SCUBE3: variants seen among roughly 807,000 people sequenced by gnomAD.
SCUBE3 encodes signal peptide, CUB domain and EGF like domain containing 3, also known as signal peptide, CUB and EGF-like domain-containing protein 3.
In SCUBE3, 33 loss-of-function variants were observed where a neutral mutation model predicts 116.8. That is an observed-to-expected ratio of 0.28 (90% CI 0.21 to 0.38). The LOEUF is 0.38. Among genes scored for constraint, SCUBE3 ranks in the 10% least tolerant of loss-of-function variants. The pLI is 1.00. For missense variants in SCUBE3, 1,007 were observed against 1,324.8 expected, an observed-to-expected ratio of 0.76 and a Z score of 3.72; for synonymous variants, 418 against 496.9, an observed-to-expected ratio of 0.84 and a Z score of 2.11.
Position 35,228,723 on chromosome 6 carries a change from C to T in SCUBE3, c.318C>T (p.Asp106=), listed in dbSNP as rs144991938. Residue 106 remains aspartate (D), a synonymous_variant, in exon 3 of 22, where the codon GAC becomes GAT. Transcript: ENST00000274938. The surrounding 1 kb of genome is among the most constrained non-coding windows in gnomAD (Gnocchi z 4.9). ...ATGATGGATTCCACCTGGCACATGA[C>T]GGACACAACTGTCTGGGTAAGCAAA... ...TCYDGFHLAH[D]GHNCLDVDEC... 54 of 1,613,872 alleles carry T rather than the reference C, an allele frequency of 3.3e-5. No homozygotes were observed. In the East Asian group the frequency reaches 4.9e-4, roughly 15 times the overall value.
chr6:35,243,542 G>C lies in SCUBE3; in HGVS notation c.1910-52G>C. 1 of 1,493,788 alleles carries C rather than the reference G, an allele frequency of 6.7e-7. No homozygotes were observed. Among genetic ancestry groups the C allele is most frequent in the Non-Finnish European group, 9.0e-7 (1 of 1,109,710 alleles). The allele number at this position is 1,493,788 out of a possible 1,614,324, so 92.5% of individuals were successfully genotyped here. On this transcript the variant is annotated intron_variant, in intron 15 of 21. Coordinates refer to ENST00000274938, the MANE Select transcript of SCUBE3 (RefSeq NM_152753.4). This position sits in a 1 kb window ranked among gnomAD's most constrained non-coding sequence, Gnocchi z 6.6. ...GAGTGGGAAGGGGAGTCCCAGGCCT[G>C]GGTGGTGGGAAATGCGGGGGTGGGT...
At chr6:35,215,435 A>G (rs1333646121) in intron 1 of SCUBE3, among the ~76,000 whole-genome samples, 1 of 151,744 alleles carries the variant, frequency 6.6e-6, no homozygotes, top group African/African-American at 2.4e-5. Context: ...CCCCTCCCCC[A>G]TCGTGTCCTC....
chr6:35,242,101 C>T, intron 12 of SCUBE3, 103 bp from the exon 13 acceptor site: 1 of 924,054 alleles, frequency 1.1e-6, no homozygotes, highest in Non-Finnish European at 1.8e-6. Context: ...CTCACTCCCC[C>T]AGCCAAGCCC....
In SCUBE3 at chr6:35,241,618, C is replaced by T. The variant is rs1176526654; in HGVS notation, c.1271C>T (p.Thr424Ile). 7 of 1,614,014 alleles carry T rather than the reference C, an allele frequency of 4.3e-6. No homozygotes were observed. The highest frequency in any genetic ancestry group is 5.9e-6 in the Non-Finnish European group (7 of 1,179,964). The change falls in exon 11 of 22, where the codon ACC becomes ATC. Residue 424 changes from threonine to isoleucine, a missense_variant. By Grantham distance (89) the Thr-to-Ile change is moderately conservative. Around this residue, in one of 5 missense-constraint regions of SCUBE3, gnomAD observed 544 missense variants for 638.9 expected, o/e 0.85. Coordinates refer to ENST00000274938, the MANE Select transcript of SCUBE3 (RefSeq NM_152753.4). The surrounding 1 kb of genome is among the most constrained non-coding windows in gnomAD (Gnocchi z 4.1). The stretch of plus-strand genomic sequence containing the variant: ...TGCAACCGGTCTGGCAAGAAGGACA[C>T]CTGTGCCCTGACCTGTCCCTCCAGG... ...LSCNRSGKKDTCALTCPSRAR... is the reference protein window; with the variant it reads ...LSCNRSGKKDICALTCPSRAR...
Position 35,248,975 on chromosome 6 carries a change from G to A in SCUBE3, c.*270G>A. On this transcript the variant is annotated 3_prime_UTR_variant, in exon 22 of 22. Coordinates refer to ENST00000274938, the MANE Select transcript of SCUBE3 (RefSeq NM_152753.4). ...GGCTCTAGTCCCCGTGAGATGTAAA[G>A]AAACAGTACAGCCCCTTCCACTGCC... The A allele has an allele frequency of 2.2e-6, 1 of 452,938 alleles. No homozygotes were observed. Among genetic ancestry groups the A allele is most frequent in the South Asian group, 2.8e-5 (1 of 35,190 alleles). 28.1% of individuals were successfully genotyped at this position (452,938 alleles called of 1,614,324 possible). A position where few individuals can be genotyped will look rare whatever the true frequency, so the allele number is the denominator to read the frequency against.
At chr6:35,229,841 G>A (rs1783469253) in intron 3 of SCUBE3, among the ~76,000 whole-genome samples, 1 of 152,154 alleles carries the variant, frequency 6.6e-6, no homozygotes, top group Non-Finnish European at 1.5e-5. Context: ...TCACCCTGTA[G>A]CCACAACAGA....
intron 1 of SCUBE3, among the ~76,000 whole-genome samples, chr6:35,218,955 T>C (rs572233642): frequency 6.2e-4 from 95 of 152,144 alleles, no homozygotes; most frequent in Non-Finnish European, 1.0e-3. Context: ...ATCAGTAGGG[T>C]TCCCTGCAGC....
Position 35,249,825 on chromosome 6 carries a change from A to G in SCUBE3, c.*1120A>G, listed in dbSNP as rs1383054120. 7 of 152,684 alleles carry G rather than the reference A, an allele frequency of 4.6e-5. No individual in the cohort carries two copies. The highest frequency in any genetic ancestry group is 1.7e-4 in the African/African-American group (7 of 41,464). The allele number at this position is 152,684 out of a possible 1,614,324, so 9.5% of individuals were successfully genotyped here. A position where few individuals can be genotyped will look rare whatever the true frequency, so the allele number is the denominator to read the frequency against. ...CCTCAGGCTGTGGGCAGCAAAAGGA[A>G]TGTGTGTGCACTTGGCGAGCCTCCT... On this transcript the variant is annotated 3_prime_UTR_variant, in exon 22 of 22. Coordinates refer to ENST00000274938, the MANE Select transcript of SCUBE3 (RefSeq NM_152753.4).
Position 35,242,661 on chromosome 6 carries a change from A to G in SCUBE3, c.1574A>G (p.His525Arg). The G allele has an allele frequency of 1.2e-6, 2 of 1,613,316 alleles. No homozygotes were observed. Among genetic ancestry groups the G allele is most frequent in the Non-Finnish European group, 1.7e-6 (2 of 1,179,512 alleles). The change falls in exon 14 of 22, where the codon CAC (histidine) becomes CGC (arginine). Residue 525 changes from histidine to arginine, a missense_variant. Coordinates refer to ENST00000274938, the MANE Select transcript of SCUBE3 (RefSeq NM_152753.4). ...PCSECQVTFI[H>R]LKCDSSRKGK... is the part of the protein sequence containing the mutation. ...TCTGAATGCCAGGTCACCTTCATCC[A>G]CCTTAAGTGTGACTCCTCTCGGAAG...
At chr6:35,248,244 T>C (rs758882557) in intron 21 of SCUBE3, among the ~76,000 whole-genome samples, 4 of 152,102 alleles carry the variant, frequency 2.6e-5, no homozygotes, top group Admixed American at 2.0e-4. Context: ...CTTGGGAAGA[T>C]GATAAGTGGT....
At chr6:35,218,392 C>T (rs1032307543) in intron 1 of SCUBE3, among the ~76,000 whole-genome samples, 8 of 152,152 alleles carry the variant, frequency 5.3e-5, no homozygotes, top group Non-Finnish European at 1.2e-4. Flanking sequence ...GGGAAGGGAA[C>T]GAAGGGCTTC....
chr6:35,238,847 G>A (rs1176476878), intron 7 of SCUBE3, among the ~76,000 whole-genome samples: 1 of 152,204 alleles, frequency 6.6e-6, no homozygotes, highest in Non-Finnish European at 1.5e-5. Flanking sequence ...GGGACGAGGA[G>A]GACTGGGCTC....
At chr6:35,218,067 C>T in intron 1 of SCUBE3, 1 of 876,804 alleles carries the variant, frequency 1.1e-6, no homozygotes, top group Non-Finnish European at 1.4e-6. Context: ...TTACTGCAGG[C>T]AGAGAAAGAA....
Position 35,243,855 on chromosome 6 carries a change from C to A in SCUBE3, c.2071+100C>A. On this transcript the variant is annotated intron_variant, in intron 16 of 21. Transcript: ENST00000274938. The surrounding 1 kb of genome is among the most constrained non-coding windows in gnomAD (Gnocchi z 6.6). The stretch of plus-strand genomic sequence containing the variant: ...GGGCAGGCCCAGGCTCCAGGCCACT[C>A]TCTTAGTCAACATCCTGTTTGTATA... The A allele has an allele frequency of 6.5e-7, 1 of 1,535,052 alleles. No individual in the cohort carries two copies. Among genetic ancestry groups the A allele is most frequent in the Non-Finnish European group, 8.9e-7 (1 of 1,121,232 alleles).
chr6:35,245,965 C>T lies in SCUBE3; in HGVS notation c.2621C>T (p.Thr874Ile). ...RKNSSPSSIT[T>I]YETCQTYERP... is the part of the protein sequence containing the mutation. ...CCAGCATCCCCATCCTCCATTACCA[C>T]TTATGAGACCTGCCAGACCTACGAG... The change falls in exon 20 of 22, where the codon ACT becomes ATT. Residue 874 changes from threonine (T) to isoleucine (I), a missense_variant. Coordinates refer to ENST00000274938, the MANE Select transcript of SCUBE3 (RefSeq NM_152753.4). The surrounding 1 kb of genome is among the most constrained non-coding windows in gnomAD (Gnocchi z 4.2). The T allele has an allele frequency of 6.2e-7, 1 of 1,614,172 alleles. No homozygotes were observed. The highest frequency in any genetic ancestry group is 8.5e-7 in the Non-Finnish European group (1 of 1,180,020).
chr6:35,226,152 G>A lies in SCUBE3; in HGVS notation c.86-1428G>A, dbSNP rs555258242. Among the ~76,000 whole-genome samples, 70 of 152,264 alleles carry A rather than the reference G, an allele frequency of 4.6e-4. 1 individual carries two copies. The highest frequency in any genetic ancestry group is 5.2e-4 in the Admixed American group (8 of 15,296). ...GGAAGAGCTTTAGAAAAATACTGAT[G>A]GCCCGGCACCAGTCCAGGCTATCTG... is the stretch of plus-strand genomic sequence containing the variant. On this transcript the variant is annotated intron_variant, in intron 1 of 21. Transcript: ENST00000274938.
At chr6:35,218,566 T>C (rs1328654423) in intron 1 of SCUBE3, among the ~76,000 whole-genome samples, 1 of 152,174 alleles carries the variant, frequency 6.6e-6, no homozygotes, top group East Asian at 1.9e-4. Flanking sequence ...GGCTGGAAAC[T>C]GCAGAGCTGC....
rs757219770 is a variant in SCUBE3, at chr6:35,246,048, G to A, written c.2704G>A (p.Glu902Lys). ...GCTCTGGATCAACTTCAAGACAAGCGAGGCCAACAGCGCCCGTGGCTTCCA... is the reference window on the plus strand; with the variant it reads ...GCTCTGGATCAACTTCAAGACAAGCAAGGCCAACAGCGCCCGTGGCTTCCA... ...RKLWINFKTS[E>K]ANSARGFQIP... is the part of the protein sequence containing the mutation. Residue 902 changes from glutamate to lysine, a missense_variant, in exon 20 of 22, where the codon GAG becomes AAG. Physicochemically the swap from Glu to Lys is moderately conservative, Grantham distance 56. Transcript: ENST00000274938. The A allele has an allele frequency of 6.8e-6, 11 of 1,614,022 alleles. No individual in the cohort carries two copies. Among genetic ancestry groups the A allele is most frequent in the African/African-American group, 2.7e-5 (2 of 74,904 alleles).
chr6:35,252,956 C>G lies in SCUBE3; in HGVS notation c.*4251C>G, dbSNP rs1784603593. The G allele has an allele frequency of 6.6e-6, 1 of 152,198 alleles. No individual in the cohort carries two copies. Among genetic ancestry groups the G allele is most frequent in the South Asian group, 2.1e-4 (1 of 4,834 alleles). 9.4% of individuals were successfully genotyped at this position (152,198 alleles called of 1,614,324 possible). On this transcript the variant is annotated 3_prime_UTR_variant, in exon 22 of 22. Coordinates refer to ENST00000274938, the MANE Select transcript of SCUBE3 (RefSeq NM_152753.4). ...CTCCTATACAATCGACAATAAACAG[C>G]AAATGATGCAGTTCATAGAGTATTT... is the stretch of plus-strand genomic sequence containing the variant.
Sources: gnomAD v4.1 joint callset for allele counts (sites outside exome capture counted in the v4.1 genomes callset) on GRCh38, gnomAD v4.1.1 for gene constraint, gnomAD v4.1.1 regional missense constraint, Gnocchi (gnomAD v3.1) non-coding constraint, MANE v1.5 for transcripts, NCBI Gene and HGNC (gene_info 2026-07-23, HGNC 2026-07-21) for gene names.